MSN: variants seen among roughly 807,000 people sequenced by gnomAD.
The protein encoded by MSN is moesin.
Under a neutral mutation model 48.0 loss-of-function variants are expected in MSN, and 2 were observed. That is an observed-to-expected ratio of 0.04 (90% CI 0.02 to 0.13). The LOEUF (loss-of-function observed/expected upper bound fraction) is 0.13, where lower values mean the gene tolerates loss of function less well. Ranked by LOEUF, MSN falls within the 10% of genes least tolerant of loss-of-function variation. The probability of loss-of-function intolerance (pLI) is 1.00; values close to 1 mark genes in which losing one functional copy is unlikely to be tolerated. For missense variants in MSN, 267 were observed against 470.1 expected (o/e 0.57, Z 3.99); for synonymous variants, 146 against 166.9 (o/e 0.87, Z 0.97).
At chrX:65,631,188 C>T (rs1450252862) in intron 1 of MSN, among the ~76,000 whole-genome samples, 7 of 109,537 alleles carry the variant, frequency 6.4e-5, no homozygotes, top group East Asian at 2.8e-4. Context: ...CTCCACCTCC[C>T]GGGCTCAAAC....
intron 1 of MSN, among the ~76,000 whole-genome samples, chrX:65,650,241 C>G (rs1410863844): frequency 4.6e-5 from 5 of 109,063 alleles, no homozygotes; most frequent in African/African-American, 6.7e-5. Context: ...GTGCATGCCA[C>G]TATTCCCAGC....
At chrX:65,590,365 G>A (rs180930603) in intron 1 of MSN, among the ~76,000 whole-genome samples, 22 of 111,430 alleles carry the variant, frequency 2.0e-4, no homozygotes, top group African/African-American at 7.2e-4. Context: ...GCCTTCTGCT[G>A]AACCACACAG....
chrX:65,620,409 G>C (rs1449238060), intron 1 of MSN, among the ~76,000 whole-genome samples: 1 of 113,902 alleles, frequency 8.8e-6, no homozygotes, highest in African/African-American at 3.2e-5. Context: ...ACAATCTCGC[G>C]GTGCGCCGCT....
At chrX:65,694,425 G>C (rs963716631) in intron 1 of MSN, among the ~76,000 whole-genome samples, 7 of 109,793 alleles carry the variant, frequency 6.4e-5, no homozygotes, top group African/African-American at 2.3e-4. Context: ...TGCCTCCCAG[G>C]TTCCAGCGAT....
chrX:65,734,560 G>C (rs375151752), intron 7 of MSN, among the ~76,000 whole-genome samples: 3 of 111,686 alleles, frequency 2.7e-5, no homozygotes, highest in Admixed American at 9.5e-5. Context: ...CCCATCAGCT[G>C]GTGACTTCGG....
intron 1 of MSN, among the ~76,000 whole-genome samples, chrX:65,638,493 G>A (rs2070623353): frequency 1.8e-5 from 2 of 112,713 alleles, no homozygotes; most frequent in South Asian, 7.2e-4. Flanking sequence ...GCGGTTCCTA[G>A]CATAGTACCT....
intron 1 of MSN, among the ~76,000 whole-genome samples, chrX:65,641,779 G>A (rs759270541): frequency 9.5e-5 from 10 of 105,771 alleles, no homozygotes; most frequent in South Asian, 8.5e-4. Flanking sequence ...ATAGCTAAGC[G>A]TGTAGAAATA....
chrX:65,637,985 C>T (rs183703933), intron 1 of MSN, among the ~76,000 whole-genome samples: 2 of 112,280 alleles, frequency 1.8e-5, no homozygotes, highest in East Asian at 5.6e-4. Context: ...TCTTCCCCCA[C>T]TAGAATGTAA....
chrX:65,666,303 C>T (rs1271529061), upstream of MSN, among the ~76,000 whole-genome samples: 1 of 109,256 alleles, frequency 9.2e-6, no homozygotes, highest in Non-Finnish European at 1.9e-5. Context: ...CAGGTGTAAG[C>T]CACTGCACAT....
intron 4 of MSN, 100 bp downstream of exon 4, chrX:65,729,812 C>A: frequency 1.1e-6 from 1 of 889,396 alleles, no homozygotes; most frequent in Non-Finnish European, 1.6e-6. Flanking sequence ...TGTTCTTCTC[C>A]ATTGGGGTCT....
At chrX:65,693,107 C>T (rs2071192715) in intron 1 of MSN, among the ~76,000 whole-genome samples, 1 of 111,926 alleles carries the variant, frequency 8.9e-6, no homozygotes, top group Non-Finnish European at 1.9e-5. Context: ...GATCCAGACA[C>T]ACTGCAGGCC....
intron 1 of MSN, among the ~76,000 whole-genome samples, chrX:65,597,187 A>G (rs988444000): frequency 7.4e-5 from 8 of 107,856 alleles, no homozygotes; most frequent in African/African-American, 3.4e-5. Context: ...AGTAGCTAGG[A>G]CCACCATGCT....
At chrX:65,646,736 G>A (rs1335628480) in intron 1 of MSN, among the ~76,000 whole-genome samples, 1 of 111,504 alleles carries the variant, frequency 9.0e-6, no homozygotes, top group East Asian at 2.8e-4. Flanking sequence ...ACCTGAGGTC[G>A]GAAGTTCAAG....
chrX:65,590,949 G>T (rs981279809), intron 1 of MSN, among the ~76,000 whole-genome samples: 1 of 111,373 alleles, frequency 9.0e-6, no homozygotes, highest in Non-Finnish European at 1.9e-5. Context: ...CCCGAATAAG[G>T]TGTGCTTCCT....
intron 1 of MSN, among the ~76,000 whole-genome samples, chrX:65,641,642 A>G (rs2070655194): frequency 1.2e-5 from 1 of 85,829 alleles, no homozygotes; most frequent in Non-Finnish European, 2.2e-5. Flanking sequence ...GATGATACCA[A>G]GTGTTGATGA....
At chrX:65,730,039 T>G (rs951084053) in intron 4 of MSN, among the ~76,000 whole-genome samples, 3 of 112,163 alleles carry the variant, frequency 2.7e-5, no homozygotes, top group African/African-American at 9.7e-5. Context: ...TTCTTTTTAC[T>G]GATTTAGATC....
chrX:65,594,614 C>A (rs2070173219), intron 1 of MSN, among the ~76,000 whole-genome samples: 1 of 111,358 alleles, frequency 9.0e-6, no homozygotes, highest in Non-Finnish European at 1.9e-5. Flanking sequence ...CTGGGAGAAA[C>A]CTGGAACCTC....
chrX:65,618,701 A>G (rs779296400), intron 1 of MSN, among the ~76,000 whole-genome samples: 13,060 of 108,440 alleles, frequency 0.12, 2,165 homozygotes, highest in African/African-American at 0.42. Context: ...CATTTAGTCC[A>G]TTTACATTTA....
At chrX:65,734,754 G>A (rs1313332814) in intron 7 of MSN, among the ~76,000 whole-genome samples, 3 of 111,995 alleles carry the variant, frequency 2.7e-5, no homozygotes, top group Non-Finnish European at 5.6e-5. Context: ...ATTCATGTAT[G>A]TATTTACAGC....
Sources: allele counts gnomAD v4.1 joint callset (sites outside exome capture counted in the v4.1 genomes callset), GRCh38; gene constraint gnomAD v4.1.1; transcripts MANE v1.5; gene names NCBI Gene and HGNC (gene_info 2026-07-23, HGNC 2026-07-21).